The following ETNK1 variants were observed in gnomAD, a reference collection of about 807,000 sequenced individuals.
ETNK1 encodes putative protein product of Nbla10396.
A neutral mutation model predicts 45.1 loss-of-function variants in ETNK1; 8 were observed. That is an observed-to-expected ratio of 0.18 (90% CI 0.10 to 0.32). The LOEUF (loss-of-function observed/expected upper bound fraction) is 0.32, where lower values mean the gene tolerates loss of function less well. Among genes scored for constraint, ETNK1 ranks in the 10% least tolerant of loss-of-function variants. ETNK1 has a pLI of 1.00. For missense variants in ETNK1, 302 were observed against 430.6 expected (o/e 0.70, Z 2.64); for synonymous variants, 152 against 151.9 (o/e 1.00, Z -0.01).
At chr12:22,667,794 T>C (rs111338919) in intron 4 of ETNK1, among the ~76,000 whole-genome samples, 23 of 152,306 alleles carry the variant, frequency 1.5e-4, no homozygotes, top group Middle Eastern at 3.4e-3. Context: ...GACAAACATG[T>C]CATGTGATAA....
At chr12:22,650,153 A>G (rs1384258066) in intron 2 of ETNK1, among the ~76,000 whole-genome samples, 1 of 151,924 alleles carries the variant, frequency 6.6e-6, no homozygotes, top group Admixed American at 6.6e-5. Context: ...TAATCCTGCA[A>G]GCTTGCTATA....
intron 4 of ETNK1, among the ~76,000 whole-genome samples, chr12:22,663,086 C>G (rs538782408): frequency 6.6e-6 from 1 of 152,110 alleles, no homozygotes; most frequent in African/African-American, 2.4e-5. Flanking sequence ...TTTAAAATTT[C>G]GAGCATACCC....
chr12:22,653,062 A>T (rs968253590), intron 2 of ETNK1, among the ~76,000 whole-genome samples: 2 of 152,066 alleles, frequency 1.3e-5, no homozygotes, highest in Non-Finnish European at 2.9e-5. Flanking sequence ...GTGGATATCT[A>T]GTTTTCCCAG....
intron 1 of ETNK1, among the ~76,000 whole-genome samples, chr12:22,626,756 T>C (rs1307804264): frequency 3.9e-5 from 6 of 152,208 alleles, no homozygotes; most frequent in Non-Finnish European, 7.4e-5. Flanking sequence ...AGAAACTTGT[T>C]AGACAACAAA....
intron 6 of ETNK1, among the ~76,000 whole-genome samples, chr12:22,677,703 TCTC>T (rs1359948952): frequency 7.2e-5 from 11 of 152,202 alleles, no homozygotes; most frequent in African/African-American, 4.8e-5. Flanking sequence ...GTTTTGTAGT[TCTC>T]CTTGAAGAGG....
At chr12:22,653,116 T>C (rs1453673336) in intron 2 of ETNK1, among the ~76,000 whole-genome samples, 2 of 152,136 alleles carry the variant, frequency 1.3e-5, no homozygotes, top group Non-Finnish European at 1.5e-5. Flanking sequence ...TTTCCCGTTG[T>C]TGTCCTTTCC....
chr12:22,652,872 T>C (rs1022680134), intron 2 of ETNK1, among the ~76,000 whole-genome samples: 6 of 152,186 alleles, frequency 3.9e-5, no homozygotes, highest in African/African-American at 1.4e-4. Flanking sequence ...TTTTGTTGCC[T>C]GTGCTTTTGG....
chr12:22,651,505 T>C (rs1200461669), intron 2 of ETNK1, among the ~76,000 whole-genome samples: 1 of 152,132 alleles, frequency 6.6e-6, no homozygotes, highest in African/African-American at 2.4e-5. Flanking sequence ...AGGGAGTCCT[T>C]ACCGAGAACT....
rs1040580331 is a variant in ETNK1, at chr12:22,679,944, G to A, written c.946-4539G>A. ...TGACCTCAAATGATCCACCCACCTC[G>A]GCCTCCCCGAGTGTTGGGATTACAG... On this transcript the variant is annotated intron_variant, in intron 6 of 7. Coordinates refer to ENST00000266517, the MANE Select transcript of ETNK1 (RefSeq NM_018638.5). Among the ~76,000 whole-genome samples the A allele has an allele frequency of 1.1e-4, 17 of 152,146 alleles. No individual in the cohort carries two copies. The East Asian group carries it at 1.9e-3, about 17-fold the overall frequency.
intron 1 of ETNK1, among the ~76,000 whole-genome samples, chr12:22,640,941 A>G (rs1289371650): frequency 6.6e-6 from 1 of 152,204 alleles, no homozygotes; most frequent in Non-Finnish European, 1.5e-5. Context: ...TATTTCTAGT[A>G]TATATTTAAT....
intron 6 of ETNK1, among the ~76,000 whole-genome samples, chr12:22,678,072 T>C (rs1592137081): frequency 6.6e-6 from 1 of 152,186 alleles, no homozygotes; most frequent in East Asian, 1.9e-4. Context: ...TCTTCTTTTC[T>C]TTTCCAAGAC....
intron 3 of ETNK1, among the ~76,000 whole-genome samples, chr12:22,659,784 T>C (rs764557657): frequency 1.3e-5 from 2 of 152,150 alleles, no homozygotes; most frequent in Non-Finnish European, 2.9e-5. Flanking sequence ...ATTTGAGTTA[T>C]ATTTTTTCCC....
intron 1 of ETNK1, among the ~76,000 whole-genome samples, chr12:22,634,426 T>A (rs1953626707): frequency 6.6e-6 from 1 of 152,176 alleles, no homozygotes; most frequent in Non-Finnish European, 1.5e-5. Context: ...TTGACAAGTT[T>A]TGGTACCAAG....
rs951907040 is a variant in ETNK1 at position 22,687,281 on chromosome 12, A to G, written c.*2327A>G. On this transcript the variant is annotated 3_prime_UTR_variant, in exon 8 of 8. Transcript: ENST00000266517. ...TGCTTCCCTTTTATATCGACCATGTAAGGGATTCTAAAGGAGGGTAAATCT... is the reference window on the plus strand; with the variant it reads ...TGCTTCCCTTTTATATCGACCATGTGAGGGATTCTAAAGGAGGGTAAATCT... The G allele has an allele frequency of 2.0e-5, 3 of 152,182 alleles. No homozygotes were observed. Among genetic ancestry groups the G allele is most frequent in the South Asian group, 2.1e-4 (1 of 4,824 alleles). 9.4% of individuals were successfully genotyped at this position (152,182 alleles called of 1,614,324 possible). A position where few individuals can be genotyped will look rare whatever the true frequency, so the allele number is the denominator to read the frequency against.
chr12:22,643,670 A>G, intron 1 of ETNK1, 93 bp from the exon 2 acceptor site: 2 of 961,708 alleles, frequency 2.1e-6, no homozygotes, highest in Non-Finnish European at 3.0e-6. Context: ...GTTTTCTTTA[A>G]TTAGTATTTA....
At chr12:22,655,338 T>G (rs35573073) in intron 2 of ETNK1, among the ~76,000 whole-genome samples, 72,694 of 143,506 alleles carry the variant, frequency 0.51, 18,850 homozygotes, top group South Asian at 0.7. Flanking sequence ...GTTTTTTTTT[T>G]TTTTTTTTTT....
At chr12:22,682,302 A>G (rs780089881) in intron 6 of ETNK1, 1 of 494,926 alleles carries the variant, frequency 2.0e-6, no homozygotes, top group Non-Finnish European at 4.0e-6. Context: ...GAATTTTATC[A>G]TTGGCAACAA....
intron 1 of ETNK1, among the ~76,000 whole-genome samples, chr12:22,641,064 G>A (rs1031983616): frequency 6.6e-6 from 1 of 152,058 alleles, no homozygotes; most frequent in Non-Finnish European, 1.5e-5. Flanking sequence ...GCAAAGGTAA[G>A]AAGTATTACC....
chr12:22,632,608 C>T (rs1953594272), intron 1 of ETNK1, among the ~76,000 whole-genome samples: 1 of 151,852 alleles, frequency 6.6e-6, no homozygotes. Flanking sequence ...CTCCTGAGCT[C>T]ACGCGATCCC....
Sources: gnomAD v4.1 joint callset for allele counts (sites outside exome capture counted in the v4.1 genomes callset) on GRCh38, gnomAD v4.1.1 for gene constraint, MANE v1.5 for transcripts, NCBI Gene and HGNC (gene_info 2026-07-23, HGNC 2026-07-21) for gene names.